EVC: variants seen among roughly 807,000 people sequenced by gnomAD.
The protein encoded by EVC is evC complex member EVC.
Under a neutral mutation model 118.9 loss-of-function variants are expected in EVC, and 116 were observed. The ratio of observed to expected loss-of-function variants is 0.98; its 90% CI spans 0.84 to 1.14. The LOEUF (loss-of-function observed/expected upper bound fraction) is 1.14, where lower values mean the gene tolerates loss of function less well. EVC is among the 50% of genes most tolerant of loss of function. EVC has a pLI of 0.00. For missense variants in EVC, 1,401 were observed against 1,246.4 expected (o/e 1.12, Z -1.87); for synonymous variants, 619 against 534.7 (o/e 1.16, Z -2.18).
intron 11 of EVC, among the ~76,000 whole-genome samples, chr4:5,769,447 C>T (rs925942587): frequency 1.3e-5 from 2 of 150,550 alleles, no homozygotes; most frequent in Admixed American, 1.3e-4. Flanking sequence ...GTTCTCAGGG[C>T]TACAGAGAAA....
At chr4:5,797,382 T>A (rs1198140147) in intron 14 of EVC, 150 bp downstream of exon 14, 1 of 706,008 alleles carries the variant, frequency 1.4e-6, no homozygotes, top group African/African-American at 1.7e-5. Context: ...CATAGCAAGG[T>A]CCCACAGACC....
chr4:5,748,429 A>G lies in EVC; in HGVS notation c.1098+123A>G, dbSNP rs13143108. 351,792 of 901,542 alleles carry G rather than the reference A, an allele frequency of 0.39. 64,761 individuals carry two copies. The highest frequency in any genetic ancestry group is 0.64 in the East Asian group (24,450 of 38,144). 55.8% of individuals were successfully genotyped at this position (901,542 alleles called of 1,614,324 possible). On this transcript the variant is annotated intron_variant, in intron 8 of 20. Transcript: ENST00000264956. Reference sequence around the variant, plus strand: ...TAGCTGGTTATATAGAGCCTCAGGGAAAAAAAAACCAACAACAACAGTAAA... The same window carrying G: ...TAGCTGGTTATATAGAGCCTCAGGGGAAAAAAAACCAACAACAACAGTAAA...
At chr4:5,796,383 C>A (rs1440425424) in intron 13 of EVC, among the ~76,000 whole-genome samples, 1 of 152,080 alleles carries the variant, frequency 6.6e-6, no homozygotes, top group Non-Finnish European at 1.5e-5. Flanking sequence ...TAATTTAAGA[C>A]TTCAAATGAT....
At position 5,733,432 on chromosome 4, in the gene EVC, T is replaced by C; in HGVS notation, c.699T>C (p.His233=). Residue 233 remains histidine (H), a synonymous_variant, in exon 5 of 21, where the codon CAT becomes CAC. Coordinates refer to ENST00000264956, the MANE Select transcript of EVC (RefSeq NM_153717.3). ...ACACGGCACTGAGGCAGGAAAAGCA[T>C]ATGGTAGGTGGAGATGTTCGCATTC... ...HLDTALRQEK[H]MMFIQIFKMC... The C allele has an allele frequency of 1.2e-6, 2 of 1,613,682 alleles. No homozygotes were observed. Among genetic ancestry groups the C allele is most frequent in the Middle Eastern group, 1.6e-4 (1 of 6,062 alleles).
At chr4:5,804,101 C>T (rs1466748038) in intron 16 of EVC, among the ~76,000 whole-genome samples, 1 of 152,126 alleles carries the variant, frequency 6.6e-6, no homozygotes, top group Non-Finnish European at 1.5e-5. Context: ...CTGCGCCTGG[C>T]TCATTTTTGT....
Position 5,752,838 on chromosome 4 carries a change from C to T in EVC, c.1101C>T (p.Asp367=), listed in dbSNP as rs186537549. Residue 367 remains aspartate, a splice_region_variant and synonymous_variant, in exon 9 of 21, where the codon GAC becomes GAT. Coordinates refer to ENST00000264956, the MANE Select transcript of EVC (RefSeq NM_153717.3). ...GTCCTGTGTGTTTCTTTTTGCAGGA[C>T]GCCCTGGAGAGGACGATGGGGCGGG... ...LCDSQELQAL[D]ALERTMGRAH... 45 of 1,614,156 alleles carry T rather than the reference C, an allele frequency of 2.8e-5. No homozygotes were observed. The Middle Eastern group carries it at 4.9e-4, about 18-fold the overall frequency.
intron 13 of EVC, among the ~76,000 whole-genome samples, chr4:5,794,387 ATTTTTTATATATATATATAT>A (rs1713521898): frequency 2.1e-5 from 3 of 139,606 alleles, no homozygotes; most frequent in South Asian, 4.5e-4. Context: ...ATATATATAT[ATTTTTTATATATATATATAT>A]TTTTTTTCTT....
intron 11 of EVC, chr4:5,758,275 G>A (rs973238594): frequency 2.2e-5 from 13 of 581,286 alleles, no homozygotes; most frequent in Admixed American, 1.5e-4. Context: ...AATGCCCTCC[G>A]GAACGGTGAG....
chr4:5,780,693 G>A (rs958576033), intron 11 of EVC, among the ~76,000 whole-genome samples: 29 of 152,202 alleles, frequency 1.9e-4, no homozygotes, highest in African/African-American at 6.3e-4. Context: ...GCCTGGAAAG[G>A]TTGGTGGGTG....
chr4:5,744,506 G>C (rs1488674130), intron 6 of EVC, among the ~76,000 whole-genome samples: 1 of 152,190 alleles, frequency 6.6e-6, no homozygotes, highest in Non-Finnish European at 1.5e-5. Context: ...AGAATCATTT[G>C]AGAGAGTCAG....
At chr4:5,827,171 T>C in the EVC span, among the ~76,000 whole-genome samples, 2 of 152,220 alleles carry the variant, frequency 1.3e-5, no homozygotes, top group East Asian at 3.9e-4. Context: ...GGGTCAGATA[T>C]CTGCCCTCAC....
intron 8 of EVC, among the ~76,000 whole-genome samples, chr4:5,751,677 G>A (rs1275824232): frequency 6.6e-6 from 1 of 152,330 alleles, no homozygotes; most frequent in African/African-American, 2.4e-5. Context: ...AGTCCAGGCT[G>A]GGACTGCCCC....
chr4:5,732,724 C>T (rs377510001), intron 4 of EVC, among the ~76,000 whole-genome samples: 1 of 145,678 alleles, frequency 6.9e-6, no homozygotes, highest in African/African-American at 2.7e-5. Context: ...CATGAAAATG[C>T]TTGAGGTTGG....
At chr4:5,715,095 T>G (rs1289187025) in intron 1 of EVC, among the ~76,000 whole-genome samples, 2 of 152,216 alleles carry the variant, frequency 1.3e-5, no homozygotes, top group Admixed American at 6.5e-5. Context: ...ATCACAGGTG[T>G]GAGCCACCAC....
At chr4:5,730,757 GGGGACCAA>G (rs1382361620) in intron 3 of EVC, among the ~76,000 whole-genome samples, 27 of 152,042 alleles carry the variant, frequency 1.8e-4, no homozygotes, top group African/African-American at 6.5e-4. Context: ...TTTCAGGTAG[GGGGACCAA>G]AGTCTGGAAA....
At chr4:5,818,936 C>T (rs928824273), downstream of EVC, among the ~76,000 whole-genome samples, 1 of 152,168 alleles carries the variant, frequency 6.6e-6, no homozygotes, top group Non-Finnish European at 1.5e-5. Flanking sequence ...TCTACCCCAC[C>T]CACCTTCACC....
At chr4:5,810,170 G>A (rs1026158698) in intron 19 of EVC, among the ~76,000 whole-genome samples, 169 bp from the exon 20 acceptor site, 1 of 152,170 alleles carries the variant, frequency 6.6e-6, no homozygotes, top group African/African-American at 2.4e-5. Flanking sequence ...ACCTTCCCAG[G>A]CCTCAGTTTC....
At chr4:5,753,545 A>C (rs1203883240) in intron 9 of EVC, among the ~76,000 whole-genome samples, 1 of 148,860 alleles carries the variant, frequency 6.7e-6, no homozygotes, top group Non-Finnish European at 1.5e-5. Flanking sequence ...TCCTGCCCCA[A>C]GGCTGACCCT....
At chr4:5,825,758 G>A in the EVC span, 1 of 1,274,998 alleles carries the variant, frequency 7.8e-7, no homozygotes, top group Non-Finnish European at 1.1e-6. The surrounding 1 kb of genome is among the most constrained non-coding windows in gnomAD (Gnocchi z 4.4). Flanking sequence ...GAAACCTGAG[G>A]TCACTTCAAA....
Sources: allele counts gnomAD v4.1 joint callset (sites outside exome capture counted in the v4.1 genomes callset), GRCh38; gene constraint gnomAD v4.1.1; non-coding constraint Gnocchi (gnomAD v3.1); transcripts MANE v1.5; gene names NCBI Gene and HGNC (gene_info 2026-07-23, HGNC 2026-07-21).